Variants in DGKG observed in about 807,000 individuals in gnomAD.
DGKG encodes DAG kinase gamma.
In DGKG, 78 loss-of-function variants were observed where a neutral mutation model predicts 105.3. The ratio of observed to expected loss-of-function variants is 0.74; its 90% confidence interval spans 0.62 to 0.89. The LOEUF is 0.89. Ranked by LOEUF, DGKG falls within the 40% of genes least tolerant of loss-of-function variation. DGKG has a pLI of 0.00. For missense variants in DGKG, 958 were observed against 1,020.1 expected (o/e 0.94, Z 0.83); for synonymous variants, 346 against 367.1 (o/e 0.94, Z 0.66).
At chr3:186,299,787 T>C (rs536380040) in intron 3 of DGKG, among the ~76,000 whole-genome samples, 1 of 74,372 alleles carries the variant, frequency 1.3e-5, no homozygotes, top group South Asian at 4.9e-4. Flanking sequence ...CTTTCTTTCT[T>C]TCTTTCTTTC....
chr3:186,157,468 C>T (rs2108472783), intron 24 of DGKG, among the ~76,000 whole-genome samples: 1 of 152,180 alleles, frequency 6.6e-6, no homozygotes, highest in South Asian at 2.1e-4. Flanking sequence ...TGCATGTCTT[C>T]ATTTCATAAA....
In DGKG at chr3:186,281,201, T is replaced by C. The variant is rs142197247; in HGVS notation, c.595-457A>G. 6.0e-3 allele frequency: 981 copies of C among 162,442 alleles called. 11 individuals are homozygous for C. The highest frequency in any genetic ancestry group is 0.022 in the African/African-American group (916 of 42,052). 10.1% of individuals were successfully genotyped at this position (162,442 alleles called of 1,614,324 possible). On this transcript the variant is annotated intron_variant, in intron 7 of 24. Coordinates refer to ENST00000265022, the MANE Select transcript of DGKG (RefSeq NM_001346.3). Reference sequence around the variant, plus strand: ...CAGTTTCTCTTGCATGGAGGGTTACTGTGTGTGTCTCAGCTCAGGTACCAT... The same window carrying C: ...CAGTTTCTCTTGCATGGAGGGTTACCGTGTGTGTCTCAGCTCAGGTACCAT...
chr3:186,301,443 T>C (rs1238649300), intron 3 of DGKG, among the ~76,000 whole-genome samples: 1 of 152,120 alleles, frequency 6.6e-6, no homozygotes, highest in East Asian at 1.9e-4. Flanking sequence ...CTGGCTAACA[T>C]GGTGAAACCC....
intron 5 of DGKG, among the ~76,000 whole-genome samples, chr3:186,297,068 T>TCTCTCTCTCTCA (rs1452573661): frequency 1.5e-5 from 2 of 130,420 alleles, no homozygotes; most frequent in African/African-American, 5.8e-5. Flanking sequence ...TCTGTCTCTC[T>TCTCTCTCTCTCA]CACACACACA....
rs1378481969 is a variant in DGKG at position 186,230,627 on chromosome 3, AG to A, written c.1826+11876del. ...AGCAACAGGACCACAAACGTGTCCC[AG>A]GGAGACTAATGGGCAGCTCCAGGCA... On this transcript the variant is annotated intron_variant, in intron 20 of 24. Transcript: ENST00000265022. 2.6e-5 allele frequency among the ~76,000 whole-genome samples: 4 copies of A among 152,268 alleles called. No individual in the cohort carries two copies. The East Asian group carries it at 7.7e-4, about 29-fold the overall frequency.
intron 21 of DGKG, among the ~76,000 whole-genome samples, chr3:186,197,205 A>C (rs1718224221): frequency 6.6e-6 from 1 of 152,088 alleles, no homozygotes; most frequent in Admixed American, 6.5e-5. Context: ...GTCTGGGGAA[A>C]ATAGCACTTC....
At chr3:186,319,692 G>T (rs75666322) in intron 2 of DGKG, among the ~76,000 whole-genome samples, 143 of 152,196 alleles carry the variant, frequency 9.4e-4, no homozygotes, top group African/African-American at 3.4e-3. Flanking sequence ...CAGTCCAGCA[G>T]GTTCCTCTCA....
At chr3:186,229,572 G>A (rs570062164) in intron 20 of DGKG, among the ~76,000 whole-genome samples, 1 of 152,188 alleles carries the variant, frequency 6.6e-6, no homozygotes. Context: ...AGCTACGAGC[G>A]AATACATTTC....
intron 19 of DGKG, among the ~76,000 whole-genome samples, chr3:186,244,158 G>C (rs1720825387): frequency 6.6e-6 from 1 of 151,828 alleles, no homozygotes; most frequent in Admixed American, 6.6e-5. Context: ...CCAAAGTACT[G>C]GGACTGTAAA....
At chr3:186,304,217 C>G (rs937344267) in intron 3 of DGKG, among the ~76,000 whole-genome samples, 1 of 152,228 alleles carries the variant, frequency 6.6e-6, no homozygotes, top group African/African-American at 2.4e-5. Context: ...GCAGCCGCCG[C>G]CAGGCTTTGT....
At chr3:186,293,222 A>G (rs1001716892) in intron 5 of DGKG, among the ~76,000 whole-genome samples, 1 of 152,190 alleles carries the variant, frequency 6.6e-6, no homozygotes, top group African/African-American at 2.4e-5. Flanking sequence ...ATTCACCATT[A>G]TAGTATACAG....
rs1178131102 is a variant in DGKG, at chr3:186,147,983, C to T, written c.*2107G>A. 4.1e-6 allele frequency: 4 copies of T among 985,350 alleles called. No homozygotes were observed. Among genetic ancestry groups the T allele is most frequent in the Non-Finnish European group, 4.8e-6 (4 of 829,954 alleles). 61.0% of individuals were successfully genotyped at this position (985,350 alleles called of 1,614,324 possible). A position where few individuals can be genotyped will look rare whatever the true frequency, so the allele number is the denominator to read the frequency against. On this transcript the variant is annotated 3_prime_UTR_variant, in exon 25 of 25. Transcript: ENST00000265022. ...TTGAGCAGAATGGTCCAAGATCTTG[C>T]TCCTAGGTGGTCCTTCACAGTTAAG...
At chr3:186,288,468 G>A (rs1192059509) in intron 6 of DGKG, among the ~76,000 whole-genome samples, 1 of 152,164 alleles carries the variant, frequency 6.6e-6, no homozygotes, top group Non-Finnish European at 1.5e-5. Flanking sequence ...CCAGATTCTG[G>A]TTCTCAATAC....
chr3:186,242,013 G>A (rs1720709856), intron 20 of DGKG, among the ~76,000 whole-genome samples: 1 of 152,094 alleles, frequency 6.6e-6, no homozygotes, highest in Admixed American at 6.5e-5. Flanking sequence ...TCTGCTGTCG[G>A]GGGAGGCAAA....
At chr3:186,244,507 A>G (rs1439077952) in intron 19 of DGKG, among the ~76,000 whole-genome samples, 1 of 151,340 alleles carries the variant, frequency 6.6e-6, no homozygotes, top group Non-Finnish European at 1.5e-5. Flanking sequence ...CAGGTTCCAG[A>G]GATTCTTCCG....
intron 24 of DGKG, among the ~76,000 whole-genome samples, chr3:186,157,544 A>G (rs1020998671): frequency 6.6e-6 from 1 of 152,146 alleles, no homozygotes; most frequent in African/African-American, 2.4e-5. Context: ...CGTATTTCCT[A>G]GTAGTATGGA....
intron 1 of DGKG, among the ~76,000 whole-genome samples, chr3:186,328,958 C>G (rs1447075621): frequency 6.6e-6 from 1 of 152,156 alleles, no homozygotes; most frequent in Admixed American, 6.6e-5. Context: ...TCCCACGTGA[C>G]AGCCCGCCTC....
At chr3:186,193,189 G>A (rs1717989126) in intron 21 of DGKG, among the ~76,000 whole-genome samples, 3 of 152,220 alleles carry the variant, frequency 2.0e-5, no homozygotes, top group Admixed American at 1.3e-4. Context: ...CTTGGAAAGT[G>A]AGAGCCAATG....
chr3:186,329,602 G>A (rs1185952796), intron 1 of DGKG, among the ~76,000 whole-genome samples: 1 of 152,214 alleles, frequency 6.6e-6, no homozygotes, highest in African/African-American at 2.4e-5. Flanking sequence ...ATGAGTACAT[G>A]TTCATAAGGG....
Sources: allele counts gnomAD v4.1 joint callset (sites outside exome capture counted in the v4.1 genomes callset), GRCh38; gene constraint gnomAD v4.1.1; transcripts MANE v1.5; gene names NCBI Gene and HGNC (gene_info 2026-07-23, HGNC 2026-07-21).